The following CFAP44 variants were observed in gnomAD, a reference collection of about 807,000 sequenced individuals.
CFAP44 encodes the protein cilia- and flagella-associated protein 44.
In CFAP44, 134 loss-of-function variants were observed where a neutral mutation model predicts 216.2. The ratio of observed to expected loss-of-function variants is 0.62; its 90% CI spans 0.54 to 0.72. The LOEUF is 0.72. Ranked by LOEUF, CFAP44 falls within the 30% of genes least tolerant of loss-of-function variation. The pLI, the probability that CFAP44 is intolerant of heterozygous loss-of-function variation, is 0.00. For synonymous variants in CFAP44, 700 were observed against 727.6 expected (o/e 0.96, Z 0.61); for missense variants, 2,035 against 2,182.1 (o/e 0.93, Z 1.34).
At chr3:113,380,688 C>T (rs1310154049) in intron 16 of CFAP44, among the ~76,000 whole-genome samples, 1 of 152,142 alleles carries the variant, frequency 6.6e-6, no homozygotes, top group Non-Finnish European at 1.5e-5. Context: ...TTTTCCTCTG[C>T]AGACCCCTAA....
intron 26 of CFAP44, among the ~76,000 whole-genome samples, chr3:113,328,576 C>T (rs764603637): frequency 3.3e-5 from 5 of 151,002 alleles, no homozygotes; most frequent in African/African-American, 9.7e-5. Flanking sequence ...TTAGTTTGTA[C>T]ATGATAGGTG....
intron 15 of CFAP44, among the ~76,000 whole-genome samples, chr3:113,381,827 A>T (rs1933518503): frequency 6.6e-6 from 1 of 152,204 alleles, no homozygotes; most frequent in Admixed American, 6.5e-5. Context: ...AAAAACATAT[A>T]ATATCTGCCA....
At chr3:113,382,076 T>G (rs1017111277) in intron 15 of CFAP44, among the ~76,000 whole-genome samples, 2 of 152,270 alleles carry the variant, frequency 1.3e-5, no homozygotes, top group African/African-American at 4.8e-5. Context: ...AAAAGTCCTG[T>G]GGAACATTTG....
At chr3:113,419,224 G>A (rs1024928493) in intron 5 of CFAP44, among the ~76,000 whole-genome samples, 3 of 152,060 alleles carry the variant, frequency 2.0e-5, no homozygotes, top group Non-Finnish European at 2.9e-5. Context: ...CAAAATCCAC[G>A]ACCCTTACAT....
intron 15 of CFAP44, among the ~76,000 whole-genome samples, chr3:113,383,307 T>A (rs1933562559): frequency 6.6e-6 from 1 of 152,190 alleles, no homozygotes; most frequent in African/African-American, 2.4e-5. Context: ...GCAGATCCAG[T>A]ATCTGATAAG....
At chr3:113,438,166 G>A (rs977011036) in intron 1 of CFAP44, among the ~76,000 whole-genome samples, 1 of 152,188 alleles carries the variant, frequency 6.6e-6, no homozygotes, top group African/African-American at 2.4e-5. Context: ...ACTCAGAAAT[G>A]GCAGTTGTTT....
intron 2 of CFAP44, among the ~76,000 whole-genome samples, chr3:113,430,295 TATTAAA>T (rs1935069222): frequency 1.3e-5 from 2 of 151,498 alleles, no homozygotes; most frequent in Admixed American, 6.6e-5. Flanking sequence ...AAATACAACA[TATTAAA>T]ATTGAGATAT....
At chr3:113,330,917 T>G (rs544753369) in intron 25 of CFAP44, among the ~76,000 whole-genome samples, 1 of 152,246 alleles carries the variant, frequency 6.6e-6, no homozygotes, top group South Asian at 2.1e-4. Flanking sequence ...CACGATTTGT[T>G]CCCTCCAGCT....
In CFAP44 at chr3:113,305,045, C is replaced by T; in HGVS notation, c.4866G>A (p.Lys1622=). Residue 1622 remains lysine (K), a synonymous_variant, in exon 31 of 35, where the codon AAG becomes AAA. Transcript: ENST00000393845. ...TCCCCAGACGCATCACCTGGTGGAG[C>T]TTGAGCGGAATCACAACTAGCAGTT... is the stretch of plus-strand genomic sequence containing the variant. ...LNELLVVIPL[K]LHQIEYVVFG... is the part of the protein sequence containing the mutation. The T allele has an allele frequency of 6.5e-7, 1 of 1,537,214 alleles. No homozygotes were observed. Among genetic ancestry groups the T allele is most frequent in the African/African-American group, 1.4e-5 (1 of 73,176 alleles).
In CFAP44 at chr3:113,389,707, G is replaced by A. The variant is rs183724203; in HGVS notation, c.1890+6043C>T. Among the ~76,000 whole-genome samples the A allele has an allele frequency of 2.0e-3, 300 of 152,122 alleles. 3 individuals carry two copies. Among genetic ancestry groups the A allele is most frequent in the Non-Finnish European group, 3.2e-3 (220 of 67,934 alleles). On this transcript the variant is annotated intron_variant, in intron 15 of 34. Coordinates refer to ENST00000393845, the MANE Select transcript of CFAP44 (RefSeq NM_001164496.2). ...GATACCACAGAAATTCAAAGGATCA[G>A]TAGAGGCTACTATGAGCAACTTTAT... is the stretch of plus-strand genomic sequence containing the variant.
chr3:113,333,603 C>A lies in CFAP44; in HGVS notation c.3438-20G>T, dbSNP rs778283363. The A allele has an allele frequency of 1.5e-5, 22 of 1,485,516 alleles. No individual in the cohort carries two copies. In the South Asian group the frequency reaches 2.4e-4, roughly 16 times the overall value. 92.0% of individuals were successfully genotyped at this position (1,485,516 alleles called of 1,614,324 possible). ...TTGTATCTATTAGAAAAACAGACAA[C>A]CCCCCCACACACAAATATGACAATA... On this transcript the variant is annotated intron_variant, in intron 24 of 34. Transcript: ENST00000393845.
intron 28 of CFAP44, among the ~76,000 whole-genome samples, chr3:113,310,764 T>C (rs996444592): frequency 6.6e-6 from 1 of 152,186 alleles, no homozygotes; most frequent in East Asian, 1.9e-4. Flanking sequence ...GCTGTTCTCA[T>C]GATAGTGAGT....
chr3:113,332,455 A>T (rs1950248322), intron 25 of CFAP44, among the ~76,000 whole-genome samples: 1 of 152,220 alleles, frequency 6.6e-6, no homozygotes, highest in African/African-American at 2.4e-5. Flanking sequence ...TCAGAAAATT[A>T]CAAAATATTC....
intron 17 of CFAP44, among the ~76,000 whole-genome samples, chr3:113,377,439 T>A (rs1933377610): frequency 6.6e-6 from 1 of 152,024 alleles, no homozygotes. Flanking sequence ...CAGATTCTAG[T>A]TTCACTTCTC....
chr3:113,407,642 T>G lies in CFAP44; in HGVS notation c.891-601A>C, dbSNP rs574283861. Among the ~76,000 whole-genome samples, 18 of 152,314 alleles carry G rather than the reference T, an allele frequency of 1.2e-4. No individual in the cohort carries two copies. In the East Asian group the frequency reaches 3.5e-3, roughly 29 times the overall value. ...CTACCTCATAGAATTGTTGAAAAAT[T>G]CTTAGAACAGTGCCTATCATATCAA... On this transcript the variant is annotated intron_variant, in intron 7 of 34. Transcript: ENST00000393845.
chr3:113,346,914 A>G lies in CFAP44; in HGVS notation c.3066-2202T>C, dbSNP rs529465806. Among the ~76,000 whole-genome samples, 5 of 152,274 alleles carry G rather than the reference A, an allele frequency of 3.3e-5. No individual in the cohort carries two copies. The South Asian group carries it at 1.0e-3, about 32-fold the overall frequency. ...TTGCTGCTGCTCACTCTTTGGGTCCACACCACCTTTATGAGCTATAACACT... is the reference window on the plus strand; with the variant it reads ...TTGCTGCTGCTCACTCTTTGGGTCCGCACCACCTTTATGAGCTATAACACT... On this transcript the variant is annotated intron_variant, in intron 22 of 34. Transcript: ENST00000393845.
At chr3:113,351,281 T>C (rs779929601) in intron 22 of CFAP44, among the ~76,000 whole-genome samples, 1 of 152,216 alleles carries the variant, frequency 6.6e-6, no homozygotes, top group Non-Finnish European at 1.5e-5. Context: ...GTGTAACATG[T>C]ATTATTCTAA....
At position 113,290,598 on chromosome 3, in the gene CFAP44, T is replaced by C. The variant is rs576664167; in HGVS notation, c.*959A>G. 45 of 152,352 alleles carry C rather than the reference T, an allele frequency of 3.0e-4. No individual in the cohort carries two copies. The highest frequency in any genetic ancestry group is 1.1e-3 in the African/African-American group (45 of 41,582). 9.4% of individuals were successfully genotyped at this position (152,352 alleles called of 1,614,324 possible). On this transcript the variant is annotated 3_prime_UTR_variant, in exon 35 of 35. Coordinates refer to ENST00000393845, the MANE Select transcript of CFAP44 (RefSeq NM_001164496.2). ...AAATGTCAGTGAGATTATCCTGCAA[T>C]GGTTATAGCCATGAACTTCAATGAG...
intron 33 of CFAP44, 101 bp from the exon 34 acceptor site, chr3:113,294,922 A>C: frequency 1.5e-6 from 2 of 1,311,094 alleles, no homozygotes; most frequent in Non-Finnish European, 2.0e-6. Context: ...CAAATGGAGC[A>C]ATGTGCCCAT....
Sources: allele counts gnomAD v4.1 joint callset (sites outside exome capture counted in the v4.1 genomes callset), GRCh38; gene constraint gnomAD v4.1.1; transcripts MANE v1.5; gene names NCBI Gene and HGNC (gene_info 2026-07-23, HGNC 2026-07-21).